FAM161B: variants seen among roughly 807,000 people sequenced by gnomAD.
FAM161B encodes FAM161 centrosomal protein B.
Under a neutral mutation model 61.5 loss-of-function variants are expected in FAM161B, and 46 were observed. That is an observed-to-expected ratio of 0.75 (90% CI 0.59 to 0.96). FAM161B has a LOEUF of 0.96. Among genes scored for constraint, FAM161B ranks in the 40% least tolerant of loss-of-function variants. The pLI, the probability that FAM161B is intolerant of heterozygous loss-of-function variation, is 0.00. For missense variants in FAM161B, 774 were observed against 800.7 expected (o/e 0.97, Z 0.40); for synonymous variants, 284 against 302.7 (o/e 0.94, Z 0.64).
chr14:73,944,467 C>T lies in FAM161B; in HGVS notation c.793G>A (p.Glu265Lys), dbSNP rs747970631. ...SLKPFSFLEK[E>K]EQLKEAARQR... The stretch of plus-strand genomic sequence containing the variant: ...CGAGCAGCTTCCTTTAGCTGCTCCT[C>T]CTTCTCCAGGAAGCTGAAGGGCTTC... The change falls in exon 3 of 9, where the codon GAG (glutamate) becomes AAG (lysine). Residue 265 changes from glutamate (E) to lysine (K), a missense_variant. By Grantham distance (56) the Glu-to-Lys change is moderately conservative. Transcript: ENST00000286544. The T allele has an allele frequency of 1.9e-6, 3 of 1,613,898 alleles. No individual in the cohort carries two copies. The South Asian group carries it at 3.3e-5, about 18-fold the overall frequency.
Position 73,935,978 on chromosome 14 carries a change from C to T in FAM161B, c.1776G>A (p.Glu592=). The T allele has an allele frequency of 6.2e-7, 1 of 1,612,698 alleles. No individual in the cohort carries two copies. Among genetic ancestry groups the T allele is most frequent in the Non-Finnish European group, 8.5e-7 (1 of 1,179,220 alleles). Residue 592 remains glutamate, a synonymous_variant, in exon 8 of 9, where the codon GAG becomes GAA. Transcript: ENST00000286544. ...GAAAATCCTTGATTTTGGTCTCTTT[C>T]TCTTGAACAGCCCGGGTGCCTTGAC... The part of the protein sequence containing the change: ...NKGQGTRAVQ[E]KETKIKDFPR...
rs57252900 is a variant in FAM161B, at chr14:73,947,839, C to T, written c.55-1234G>A. Among the ~76,000 whole-genome samples, 1,372 of 152,216 alleles carry T rather than the reference C, an allele frequency of 9.0e-3. 9 individuals are homozygous for T. The highest frequency in any genetic ancestry group is 0.032 in the African/African-American group (1,309 of 41,522). On this transcript the variant is annotated intron_variant, in intron 1 of 8. Coordinates refer to ENST00000286544, the MANE Select transcript of FAM161B (RefSeq NM_152445.3). ...GTGTGATTTTTATAGGGTTGGCTTC[C>T]CTGATTGATTCAGGGAACCAGGTAT...
intron 1 of FAM161B, among the ~76,000 whole-genome samples, chr14:73,947,017 C>T (rs956771978): frequency 6.6e-6 from 1 of 152,154 alleles, no homozygotes; most frequent in Non-Finnish European, 1.5e-5. Context: ...ACTTCTTGCT[C>T]ATCTTCCTTC....
chr14:73,928,790 T>G (rs1248525551), downstream of FAM161B, among the ~76,000 whole-genome samples: 2 of 152,030 alleles, frequency 1.3e-5, no homozygotes, highest in Non-Finnish European at 2.9e-5. Flanking sequence ...CAAAAAGTTT[T>G]TTAAAAAATT....
At chr14:73,948,109 A>C (rs2056082267) in intron 1 of FAM161B, among the ~76,000 whole-genome samples, 1 of 152,140 alleles carries the variant, frequency 6.6e-6, no homozygotes, top group Non-Finnish European at 1.5e-5. Flanking sequence ...TTTTTTGTAC[A>C]GATGGGGTTT....
At chr14:73,949,830 A>C (rs1304856412) in intron 1 of FAM161B, 143 bp downstream of exon 1, 12 of 1,205,372 alleles carry the variant, frequency 1.0e-5, no homozygotes, top group Non-Finnish European at 1.4e-5. Flanking sequence ...TCTGTAAGTC[A>C]GAGTCCGCCT....
chr14:73,949,350 T>C (rs1183088500), intron 1 of FAM161B, among the ~76,000 whole-genome samples: 1 of 151,696 alleles, frequency 6.6e-6, no homozygotes, highest in East Asian at 1.9e-4. Context: ...GGTCCCAAAG[T>C]GCTGCATTAC....
chr14:73,931,405 G>A (rs2055912778), downstream of FAM161B: 3 of 1,035,818 alleles, frequency 2.9e-6, no homozygotes, highest in South Asian at 1.4e-5. Context: ...CCCCTGTAGT[G>A]CATTCTCCAT....
downstream of FAM161B, chr14:73,932,097 C>G: frequency 2.2e-6 from 1 of 451,362 alleles, no homozygotes; most frequent in South Asian, 1.6e-5. Flanking sequence ...TGAATCTCCC[C>G]TTGGCCCAGG....
intron 5 of FAM161B, among the ~76,000 whole-genome samples, chr14:73,939,195 G>A (rs1186943245): frequency 6.6e-6 from 1 of 152,076 alleles, no homozygotes; most frequent in Admixed American, 6.5e-5. Context: ...AGCTACTTGG[G>A]AGGCTGAGGC....
chr14:73,931,218 CACTG>C (rs1192455383), downstream of FAM161B, among the ~76,000 whole-genome samples: 14 of 152,152 alleles, frequency 9.2e-5, no homozygotes, highest in African/African-American at 3.4e-4. Context: ...ATTCCTCTGT[CACTG>C]ACTGATGAGT....
Position 73,937,522 on chromosome 14 carries a change from C to T in FAM161B, c.1665+80G>A, listed in dbSNP as rs551351309. ...GGGCCTCAAGGAAAATTTTAATACC[C>T]ACATATTAAAATTGTTTTGTAATTT... On this transcript the variant is annotated intron_variant, in intron 7 of 8. Coordinates refer to ENST00000286544, the MANE Select transcript of FAM161B (RefSeq NM_152445.3). The T allele has an allele frequency of 1.5e-4, 197 of 1,335,970 alleles. No homozygotes were observed. In the South Asian group the frequency reaches 2.1e-3, roughly 14 times the overall value. The allele number at this position is 1,335,970 out of a possible 1,614,324, so 82.8% of individuals were successfully genotyped here.
At chr14:73,935,207 T>C (rs981062167) in intron 8 of FAM161B, among the ~76,000 whole-genome samples, 4 of 151,974 alleles carry the variant, frequency 2.6e-5, no homozygotes, top group African/African-American at 9.7e-5. Context: ...GAAGATACTA[T>C]TTTCTCCCTT....
chr14:73,929,895 T>C (rs1219255287), downstream of FAM161B, among the ~76,000 whole-genome samples: 1 of 152,068 alleles, frequency 6.6e-6, no homozygotes, highest in Non-Finnish European at 1.5e-5. Flanking sequence ...GGACAATCTC[T>C]ATTTTCCCTC....
downstream of FAM161B, among the ~76,000 whole-genome samples, chr14:73,930,729 A>G (rs532814240): frequency 6.6e-6 from 1 of 152,060 alleles, no homozygotes; most frequent in Non-Finnish European, 1.5e-5. Context: ...CAGCCTCCCA[A>G]GTAGCTAGGA....
chr14:73,944,797 G>A lies in FAM161B; in HGVS notation c.463C>T (p.Pro155Ser). Residue 155 changes from proline (P) to serine (S), a missense_variant, in exon 3 of 9, where the codon CCT (proline) becomes TCT (serine). Coordinates refer to ENST00000286544, the MANE Select transcript of FAM161B (RefSeq NM_152445.3). Reference sequence around the variant, plus strand: ...CTGACGCTTCTGTGCTGGGAGGGAGGCCGGGAGCCTGAGGGTGGCTGGGTC... The same window carrying A: ...CTGACGCTTCTGTGCTGGGAGGGAGACCGGGAGCCTGAGGGTGGCTGGGTC... Reference protein sequence around the residue: ...PQTQPPSGSRPPSQHRSVSSW... With the variant: ...PQTQPPSGSRSPSQHRSVSSW... The A allele has an allele frequency of 6.3e-7, 1 of 1,578,996 alleles. No individual in the cohort carries two copies. Among genetic ancestry groups the A allele is most frequent in the Non-Finnish European group, 8.6e-7 (1 of 1,161,110 alleles).
chr14:73,949,981 TC>T lies in FAM161B; in HGVS notation c.45del (p.Ser16AlafsTer42). 1.2e-6 allele frequency: 2 copies of T among 1,613,460 alleles called. No homozygotes were observed. Among genetic ancestry groups the T allele is most frequent in the African/African-American group, 1.3e-5 (1 of 74,974 alleles). On this transcript the variant is annotated frameshift_variant, in exon 1 of 9. Transcript: ENST00000286544. LOFTEE classifies it high-confidence loss of function. ...RPEGAPGGAE[G>X]SRQIFPPESF... ...CTCTTTTCTCTCCTCACCTGACGGC[TC>T]CCCTCCGCGCCTCCGGGGGCTCCCT...
At position 73,937,635 on chromosome 14, in the gene FAM161B, T is replaced by C. The variant is rs754338180; in HGVS notation, c.1632A>G (p.Gln544=). ...KELEEMKQRI[Q]TRPYLFEQVA... Reference sequence around the variant, plus strand: ...CTTGTTCAAAGAGATAGGGCCTTGTTTGTATTCGCTGCTTCATTTCCTCCA... The same window carrying C: ...CTTGTTCAAAGAGATAGGGCCTTGTCTGTATTCGCTGCTTCATTTCCTCCA... Residue 544 remains glutamine (Q), a synonymous_variant, in exon 7 of 9, where the codon CAA becomes CAG. Coordinates refer to ENST00000286544, the MANE Select transcript of FAM161B (RefSeq NM_152445.3). The C allele has an allele frequency of 6.8e-6, 11 of 1,614,202 alleles. No homozygotes were observed. The South Asian group carries it at 1.2e-4, about 18-fold the overall frequency.
intron 1 of FAM161B, 59 bp downstream of exon 1, chr14:73,949,914 G>A (rs1267493913): frequency 3.1e-6 from 5 of 1,603,044 alleles, no homozygotes; most frequent in African/African-American, 1.3e-5. Flanking sequence ...CCAAGGCAAC[G>A]CCCAACAGTT....
Sources: allele counts gnomAD v4.1 joint callset (sites outside exome capture counted in the v4.1 genomes callset), GRCh38; gene constraint gnomAD v4.1.1; transcripts MANE v1.5; gene names NCBI Gene and HGNC (gene_info 2026-07-23, HGNC 2026-07-21).